The following AQP9 variants were observed in gnomAD, a reference collection of about 807,000 sequenced individuals.
The protein encoded by AQP9 is aquaporin-9.
A neutral mutation model predicts 23.8 loss-of-function variants in AQP9; 19 were observed. The ratio of observed to expected loss-of-function variants is 0.80; its 90% CI spans 0.56 to 1.17. The LOEUF (loss-of-function observed/expected upper bound fraction) is 1.17. Ranked by LOEUF, AQP9 falls within the 50% of genes most tolerant of loss-of-function variation. The pLI is 0.00. For synonymous variants in AQP9, 153 were observed against 131.5 expected (o/e 1.16, Z -1.12); for missense variants, 413 against 362.0 (o/e 1.14, Z -1.14).
intron 3 of AQP9, 125 bp downstream of exon 3, chr15:58,173,330 C>T: frequency 7.2e-7 from 1 of 1,386,904 alleles, no homozygotes; most frequent in Non-Finnish European, 9.7e-7. Flanking sequence ...ACAGCAAGTT[C>T]TAAATTTGAG....
chr15:58,152,470 T>C (rs1480147654), intron 1 of AQP9: 1 of 152,170 alleles, frequency 6.6e-6, no homozygotes, highest in Non-Finnish European at 1.5e-5. Context: ...TATCTTTCTA[T>C]TATCCTTAAA....
intron 1 of AQP9, chr15:58,155,975 TCAGA>T (rs1898248877): frequency 6.6e-6 from 1 of 152,160 alleles, no homozygotes; most frequent in East Asian, 1.9e-4. Context: ...TTTATTATCA[TCAGA>T]CAAACAGCAT....
intron 1 of AQP9, among the ~76,000 whole-genome samples, chr15:58,159,637 C>G (rs1898333152): frequency 6.6e-6 from 1 of 152,046 alleles, no homozygotes; most frequent in Non-Finnish European, 1.5e-5. Flanking sequence ...ATATTTTTAC[C>G]TATTAATCAA....
In AQP9 at chr15:58,184,845, T is replaced by C. The variant is rs1389767832; in HGVS notation, c.*710T>C. ...CTCCTGCATTTTAGAGGACACCAAT[T>C]AATTTCCTGGTCTTTAGTATATAAT... On this transcript the variant is annotated 3_prime_UTR_variant, in exon 6 of 6. Coordinates refer to ENST00000219919, the MANE Select transcript of AQP9 (RefSeq NM_020980.5). 3 of 152,242 alleles carry C rather than the reference T, an allele frequency of 2.0e-5. No individual in the cohort carries two copies. The highest frequency in any genetic ancestry group is 7.2e-5 in the African/African-American group (3 of 41,468). The allele number at this position is 152,242 out of a possible 1,614,324, so 9.4% of individuals were successfully genotyped here.
chr15:58,183,949 G>A lies in AQP9; in HGVS notation c.714-12G>A. 1.2e-6 allele frequency: 2 copies of A among 1,613,388 alleles called. No individual in the cohort carries two copies. The highest frequency in any genetic ancestry group is 1.7e-6 in the Non-Finnish European group (2 of 1,179,526). ...CCAAGAAATGTATCACTAATTTCTT[G>A]TTTGATTTCAGAGCTGGAAACAACT... On this transcript the variant is annotated splice_polypyrimidine_tract_variant and intron_variant, in intron 5 of 5. Coordinates refer to ENST00000219919, the MANE Select transcript of AQP9 (RefSeq NM_020980.5).
At chr15:58,144,791 G>A (rs527349852) in intron 1 of AQP9, among the ~76,000 whole-genome samples, 45 of 152,022 alleles carry the variant, frequency 3.0e-4, no homozygotes, top group South Asian at 1.5e-3. Context: ...CGAGGTGGGC[G>A]GATCAAGAGG....
intron 3 of AQP9, among the ~76,000 whole-genome samples, chr15:58,173,635 G>A (rs1242295381): frequency 6.6e-6 from 1 of 152,148 alleles, no homozygotes; most frequent in Non-Finnish European, 1.5e-5. Flanking sequence ...GGCTGGGTGG[G>A]AGCCTCATTG....
At position 58,179,362 on chromosome 15, in the gene AQP9, G is replaced by A; in HGVS notation, c.713+17G>A. ...AGTCTTCAGGTAAGTAACAGTGGTG[G>A]GGAAGAGAGAGACAGAGTCATGCTG... On this transcript the variant is annotated intron_variant, in intron 5 of 5. Coordinates refer to ENST00000219919, the MANE Select transcript of AQP9 (RefSeq NM_020980.5). 6.3e-7 allele frequency: 1 copy of A among 1,596,544 alleles called. No individual in the cohort carries two copies. Among genetic ancestry groups the A allele is most frequent in the Non-Finnish European group, 8.5e-7 (1 of 1,170,280 alleles).
intron 3 of AQP9, among the ~76,000 whole-genome samples, chr15:58,174,239 T>C (rs79093199): frequency 1.3e-5 from 2 of 150,882 alleles, no homozygotes; most frequent in Middle Eastern, 3.4e-3. Context: ...GCCAGGATCA[T>C]GCCATTGCAC....
chr15:58,173,351 C>G, intron 3 of AQP9, 146 bp downstream of exon 3: 1 of 1,176,476 alleles, frequency 8.5e-7, no homozygotes, highest in Non-Finnish European at 1.2e-6. Flanking sequence ...AAAATGAGGC[C>G]ATATTACCAT....
intron 1 of AQP9, among the ~76,000 whole-genome samples, chr15:58,143,372 C>G (rs1186856985): frequency 2.0e-5 from 3 of 152,188 alleles, no homozygotes; most frequent in Non-Finnish European, 4.4e-5. Context: ...TAAGCATACT[C>G]TATACCCCAG....
chr15:58,176,123 T>C (rs919515665), intron 4 of AQP9, among the ~76,000 whole-genome samples: 2 of 152,132 alleles, frequency 1.3e-5, no homozygotes, highest in African/African-American at 4.8e-5. Flanking sequence ...CTTATGAGGA[T>C]AAAAAGAATA....
chr15:58,139,566 G>T (rs1467337023), intron 1 of AQP9, among the ~76,000 whole-genome samples: 1 of 152,096 alleles, frequency 6.6e-6, no homozygotes, highest in Non-Finnish European at 1.5e-5. Context: ...CCTACTCCAG[G>T]TATAAATAAT....
At chr15:58,182,580 C>A (rs1476102623) in intron 5 of AQP9, among the ~76,000 whole-genome samples, 2 of 152,140 alleles carry the variant, frequency 1.3e-5, no homozygotes, top group Admixed American at 6.5e-5. Context: ...ATGTTTTGAC[C>A]TCTAGAGAAG....
chr15:58,145,573 A>T (rs1378863344), intron 1 of AQP9, among the ~76,000 whole-genome samples: 2 of 152,098 alleles, frequency 1.3e-5, no homozygotes, highest in African/African-American at 2.4e-5. Flanking sequence ...CAAAAACTTT[A>T]AAAAATTCTA....
chr15:58,155,558 T>C (rs984400662), intron 1 of AQP9: 8 of 152,156 alleles, frequency 5.3e-5, no homozygotes, highest in African/African-American at 1.7e-4. Flanking sequence ...CCTTTTGTTC[T>C]TACATGAAAC....
At chr15:58,143,974 C>G (rs1291002195) in intron 1 of AQP9, among the ~76,000 whole-genome samples, 1 of 152,186 alleles carries the variant, frequency 6.6e-6, no homozygotes, top group Non-Finnish European at 1.5e-5. Flanking sequence ...TCCCATTTAT[C>G]ACATACTCAA....
chr15:58,183,603 C>T (rs1199990885), intron 5 of AQP9, among the ~76,000 whole-genome samples: 2 of 152,104 alleles, frequency 1.3e-5, no homozygotes, highest in African/African-American at 4.8e-5. Flanking sequence ...TTGTAATCCA[C>T]AGGAATCATT....
rs375748792 is a variant in AQP9 at position 58,140,721 on chromosome 15, G to A, written c.111+2045G>A. Among the ~76,000 whole-genome samples the A allele has an allele frequency of 1.6e-4, 25 of 152,346 alleles. No homozygotes were observed. In the South Asian group the frequency reaches 5.0e-3, roughly 30 times the overall value. On this transcript the variant is annotated intron_variant, in intron 1 of 5. Transcript: ENST00000219919. ...GCAAAGGGAAGGGGAACATCGAAAA[G>A]ATGGCAGAGGATATAAAGGACTCAG... is the stretch of plus-strand genomic sequence containing the variant.
Sources: allele counts gnomAD v4.1 joint callset (sites outside exome capture counted in the v4.1 genomes callset), GRCh38; gene constraint gnomAD v4.1.1; transcripts MANE v1.5; gene names NCBI Gene and HGNC (gene_info 2026-07-23, HGNC 2026-07-21).